The following BCKDHB variants were observed in gnomAD, a reference collection of about 807,000 sequenced individuals.
BCKDHB encodes the protein 2-oxoisovalerate dehydrogenase subunit beta, mitochondrial.
BCKDHB carries 41 observed loss-of-function variants against 48.5 expected under a neutral mutation model. The ratio of observed to expected loss-of-function variants is 0.85; its 90% CI spans 0.66 to 1.10. BCKDHB has a LOEUF of 1.10. Among genes scored for constraint, BCKDHB ranks in the 50% least tolerant of loss-of-function variants. BCKDHB has a pLI of 0.00. For missense variants in BCKDHB, 496 were observed against 494.2 expected, an observed-to-expected ratio of 1.00 and a Z score of -0.03; for synonymous variants, 201 against 174.8, an observed-to-expected ratio of 1.15 and a Z score of -1.18.
the BCKDHB span, among the ~76,000 whole-genome samples, chr6:80,385,519 G>A: frequency 2.0e-5 from 3 of 152,150 alleles, no homozygotes; most frequent in African/African-American, 7.2e-5. Context: ...TCCCAGTAGT[G>A]GCAACATCCC....
At chr6:80,308,603 T>TC (rs1343736705) in intron 9 of BCKDHB, among the ~76,000 whole-genome samples, 1 of 151,290 alleles carries the variant, frequency 6.6e-6, no homozygotes, top group African/African-American at 2.4e-5. Flanking sequence ...TCTTCTTTTT[T>TC]TTTTTTTTTG....
chr6:80,115,059 C>T (rs564581089), intron 1 of BCKDHB, among the ~76,000 whole-genome samples: 1 of 152,168 alleles, frequency 6.6e-6, no homozygotes, highest in Non-Finnish European at 1.5e-5. Context: ...TCTGCCAATA[C>T]CATTTACTTC....
At chr6:80,350,841 ATTT>A (rs1383513574), downstream of BCKDHB, among the ~76,000 whole-genome samples, 18 of 152,052 alleles carry the variant, frequency 1.2e-4, no homozygotes, top group Non-Finnish European at 2.6e-4. Context: ...TTACTTATTT[ATTT>A]TTGCCTTCCA....
chr6:80,272,394 A>C (rs988497872), intron 8 of BCKDHB, among the ~76,000 whole-genome samples: 1 of 152,192 alleles, frequency 6.6e-6, no homozygotes, highest in Non-Finnish European at 1.5e-5. Context: ...ATTTTTCAAC[A>C]TATTTTAAGC....
At chr6:80,279,266 G>A (rs1778099516) in intron 9 of BCKDHB, among the ~76,000 whole-genome samples, 1 of 151,978 alleles carries the variant, frequency 6.6e-6, no homozygotes, top group African/African-American at 2.4e-5. Context: ...TGATTCTCCT[G>A]CCTCAGCCTC....
chr6:80,463,241 A>AT, the BCKDHB span: 5 of 152,096 alleles, frequency 3.3e-5, no homozygotes, highest in African/African-American at 1.2e-4. Flanking sequence ...GTTTTGCTGG[A>AT]TTTTTCTTTT....
chr6:80,375,179 G>A, the BCKDHB span, among the ~76,000 whole-genome samples: 2 of 152,214 alleles, frequency 1.3e-5, no homozygotes, highest in East Asian at 3.9e-4. Flanking sequence ...TGAGCTTCTT[G>A]GATTTGAATG....
chr6:80,170,329 G>C lies in BCKDHB; in HGVS notation c.634-953G>C, dbSNP rs959909038. The stretch of plus-strand genomic sequence containing the variant: ...TTGCCTCAGGGAATCTTAAGTCTTT[G>C]TGGTAAGTTCAGGTTTATTTTAATA... On this transcript the variant is annotated intron_variant, in intron 5 of 9. Coordinates refer to ENST00000320393, the MANE Select transcript of BCKDHB (RefSeq NM_183050.4). Among the ~76,000 whole-genome samples the C allele has an allele frequency of 2.0e-5, 3 of 152,098 alleles. No individual in the cohort carries two copies. In the South Asian group the frequency reaches 6.2e-4, roughly 32 times the overall value.
chr6:80,239,005 A>G (rs1776266613), intron 8 of BCKDHB, among the ~76,000 whole-genome samples: 1 of 152,170 alleles, frequency 6.6e-6, no homozygotes. Context: ...TATCATTGAT[A>G]GACATTTGGG....
the BCKDHB span, among the ~76,000 whole-genome samples, chr6:80,439,022 T>G: frequency 6.6e-6 from 1 of 152,168 alleles, no homozygotes; most frequent in Non-Finnish European, 1.5e-5. Context: ...GCAACCTAAT[T>G]GCTCCCTCAT....
the BCKDHB span, among the ~76,000 whole-genome samples, chr6:80,414,182 C>G: frequency 6.6e-6 from 1 of 151,646 alleles, no homozygotes; most frequent in South Asian, 2.1e-4. Flanking sequence ...TTAAGTTTCT[C>G]ATTGATGTTA....
rs532146664 is a variant in BCKDHB at position 80,269,594 on chromosome 6, A to T, written c.952-3541A>T. Among the ~76,000 whole-genome samples, 7 of 152,032 alleles carry T rather than the reference A, an allele frequency of 4.6e-5. No homozygotes were observed. The East Asian group carries it at 1.4e-3, about 29-fold the overall frequency. The stretch of plus-strand genomic sequence containing the variant: ...TCCAGGAACAGTACTCGGTGGTAAA[A>T]AGTTGGAGAAGTAGATACTTGCAAA... On this transcript the variant is annotated intron_variant, in intron 8 of 9. Transcript: ENST00000320393.
chr6:80,326,440 T>C (rs1769033596), intron 9 of BCKDHB, among the ~76,000 whole-genome samples: 2 of 152,192 alleles, frequency 1.3e-5, no homozygotes, highest in African/African-American at 4.8e-5. Flanking sequence ...TAGTATAGTA[T>C]AGGTTATAGG....
At chr6:80,360,529 T>C in the BCKDHB span, among the ~76,000 whole-genome samples, 1 of 152,206 alleles carries the variant, frequency 6.6e-6, no homozygotes, top group Admixed American at 6.5e-5. Context: ...CTCTTTAATG[T>C]CAGCTATGAC....
chr6:80,180,997 T>C (rs1773385678), intron 6 of BCKDHB, among the ~76,000 whole-genome samples: 1 of 152,134 alleles, frequency 6.6e-6, no homozygotes, highest in Admixed American at 6.5e-5. Context: ...AAAATAGCAG[T>C]TCCTTACCTT....
the BCKDHB span, among the ~76,000 whole-genome samples, chr6:80,442,809 G>T: frequency 6.6e-6 from 1 of 152,156 alleles, no homozygotes; most frequent in African/African-American, 2.4e-5. Flanking sequence ...TAACTTGCAG[G>T]CTGTCTCCAG....
At chr6:80,129,031 C>G in intron 2 of BCKDHB, 130 bp from the exon 3 acceptor site, 4 of 729,718 alleles carry the variant, frequency 5.5e-6, no homozygotes, top group Non-Finnish European at 9.0e-6. Context: ...GTTGAGAAAC[C>G]TTGATCGAGA....
chr6:80,404,500 C>A, the BCKDHB span, among the ~76,000 whole-genome samples: 6 of 151,694 alleles, frequency 4.0e-5, no homozygotes, highest in Admixed American at 6.6e-5. Context: ...ATTTTGCTCA[C>A]CTTTTCAAAA....
At chr6:80,393,570 T>A in the BCKDHB span, among the ~76,000 whole-genome samples, 1 of 152,176 alleles carries the variant, frequency 6.6e-6, no homozygotes, top group Non-Finnish European at 1.5e-5. Context: ...TCCAGAACCA[T>A]GAGCAACAAA....
Sources: gnomAD v4.1 joint callset for allele counts (sites outside exome capture counted in the v4.1 genomes callset) on GRCh38, gnomAD v4.1.1 for gene constraint, MANE v1.5 for transcripts, NCBI Gene and HGNC (gene_info 2026-07-23, HGNC 2026-07-21) for gene names.